MAP3K7CL: variants seen among roughly 807,000 people sequenced by gnomAD.
The protein encoded by MAP3K7CL is MAP3K7 C-terminal like.
A neutral mutation model predicts 18.6 loss-of-function variants in MAP3K7CL; 16 were observed. That is an observed-to-expected ratio of 0.86 (90% CI 0.58 to 1.31). MAP3K7CL has a LOEUF of 1.31. MAP3K7CL is among the 50% of genes most tolerant of loss of function. The pLI is 0.00. For synonymous variants in MAP3K7CL, 65 were observed against 66.8 expected, an observed-to-expected ratio of 0.97 and a Z score of 0.13; for missense variants, 163 against 174.4, an observed-to-expected ratio of 0.93 and a Z score of 0.37.
intron 1 of MAP3K7CL, chr21:29,091,365 T>C: frequency 1.8e-6 from 1 of 547,370 alleles, no homozygotes; most frequent in Admixed American, 3.6e-5. Context: ...AGAATGTTTT[T>C]AGCCAGTTGA....
At chr21:29,152,971 T>C (rs2087312365) in intron 3 of MAP3K7CL, among the ~76,000 whole-genome samples, 1 of 152,222 alleles carries the variant, frequency 6.6e-6, no homozygotes, top group South Asian at 2.1e-4. Flanking sequence ...TTACACATGC[T>C]TTGGTAGTTT....
At chr21:29,124,658 T>A (rs2086654359) in intron 4 of MAP3K7CL, among the ~76,000 whole-genome samples, 1 of 152,218 alleles carries the variant, frequency 6.6e-6, no homozygotes, top group Non-Finnish European at 1.5e-5. Context: ...TGTTTTGGTA[T>A]GACCCAGGAG....
chr21:29,099,089 C>CTT (rs2086174007), intron 4 of MAP3K7CL, among the ~76,000 whole-genome samples: 2 of 151,704 alleles, frequency 1.3e-5, no homozygotes, highest in South Asian at 4.2e-4. Context: ...TACTAGCTTT[C>CTT]TTTTCTTTTC....
intron 1 of MAP3K7CL, among the ~76,000 whole-genome samples, chr21:29,077,904 G>T (rs2085775466): frequency 6.6e-6 from 1 of 152,226 alleles, no homozygotes; most frequent in Admixed American, 6.5e-5. Flanking sequence ...GCCTCCAGGA[G>T]AGCTAAAAGC....
intron 1 of MAP3K7CL, among the ~76,000 whole-genome samples, chr21:29,078,064 G>A (rs763054993): frequency 6.6e-5 from 10 of 152,022 alleles, no homozygotes; most frequent in Non-Finnish European, 1.3e-4. Flanking sequence ...ATTGTTTAAT[G>A]TTTTTGGCTT....
intron 4 of MAP3K7CL, among the ~76,000 whole-genome samples, chr21:29,113,633 C>T (rs2086456714): frequency 6.6e-6 from 1 of 152,192 alleles, no homozygotes; most frequent in Non-Finnish European, 1.5e-5. Flanking sequence ...TCAAGCAATT[C>T]TCCTGCCTCA....
intron 4 of MAP3K7CL, among the ~76,000 whole-genome samples, chr21:29,101,129 TGGGTCAGCAATCTG>T (rs1238015968): frequency 4.0e-5 from 6 of 151,876 alleles, no homozygotes; most frequent in Non-Finnish European, 7.4e-5. Flanking sequence ...ACGATTTCTG[TGGGTCAGCAATCTG>T]GGTGTGGCTT....
At chr21:29,165,235 G>A in intron 4 of MAP3K7CL, among the ~76,000 whole-genome samples, 1 of 152,050 alleles carries the variant, frequency 6.6e-6, no homozygotes, top group South Asian at 2.1e-4. Context: ...ATATTGTATT[G>A]GGTACTTTGG....
At chr21:29,090,010 A>G (rs1026790911) in intron 1 of MAP3K7CL, among the ~76,000 whole-genome samples, 2 of 152,198 alleles carry the variant, frequency 1.3e-5, no homozygotes, top group African/African-American at 4.8e-5. Flanking sequence ...AATAATTTTG[A>G]TACTATTCGA....
intron 2 of MAP3K7CL, among the ~76,000 whole-genome samples, chr21:29,144,210 G>A (rs1264919758): frequency 1.3e-5 from 2 of 151,702 alleles, no homozygotes; most frequent in African/African-American, 2.4e-5. Context: ...TGCAAGCAGG[G>A]GCTTGATCTT....
At chr21:29,164,855 T>A (rs923229551) in intron 4 of MAP3K7CL, among the ~76,000 whole-genome samples, 4 of 152,358 alleles carry the variant, frequency 2.6e-5, no homozygotes. Flanking sequence ...CTATCATTTT[T>A]ATCTAATTCT....
chr21:29,113,051 TC>T (rs2086446962), intron 4 of MAP3K7CL, among the ~76,000 whole-genome samples: 3 of 152,182 alleles, frequency 2.0e-5, no homozygotes, highest in African/African-American at 4.8e-5. Flanking sequence ...CGCCTTGGCC[TC>T]CCAAAGTGCT....
chr21:29,115,366 T>C (rs1411484019), intron 4 of MAP3K7CL, among the ~76,000 whole-genome samples: 1 of 152,228 alleles, frequency 6.6e-6, no homozygotes, highest in African/African-American at 2.4e-5. Flanking sequence ...ACTGCAATTC[T>C]GCATCTATAA....
At position 29,100,007 on chromosome 21, in the gene MAP3K7CL, T is replaced by C. The variant is rs549734302; in HGVS notation, c.370+7426T>C. The stretch of plus-strand genomic sequence containing the variant: ...CTGAGGCAGGAGAATGGCGTGAACC[T>C]GGGAGGCGGAGCTTGCAGTGAGCCG... On this transcript the variant is annotated intron_variant, in intron 4 of 6. Coordinates refer to the MAP3K7CL transcript ENST00000286791. Among the ~76,000 whole-genome samples, 54 of 146,806 alleles carry C rather than the reference T, an allele frequency of 3.7e-4. 1 individual carries two copies. Among genetic ancestry groups the C allele is most frequent in the Non-Finnish European group, 5.0e-4 (34 of 67,388 alleles).
At chr21:29,159,404 T>C in intron 3 of MAP3K7CL, among the ~76,000 whole-genome samples, 1 of 152,102 alleles carries the variant, frequency 6.6e-6, no homozygotes, top group East Asian at 1.9e-4. Context: ...TTCTTACAGG[T>C]TGCTTAATCC....
At chr21:29,148,146 G>C (rs1017551452) in intron 2 of MAP3K7CL, among the ~76,000 whole-genome samples, 1 of 151,772 alleles carries the variant, frequency 6.6e-6, no homozygotes, top group Non-Finnish European at 1.5e-5. Context: ...TGTATGTACT[G>C]TATATGTATC....
intron 4 of MAP3K7CL, among the ~76,000 whole-genome samples, chr21:29,123,668 A>G (rs1568948390): frequency 6.6e-6 from 1 of 152,186 alleles, no homozygotes; most frequent in Non-Finnish European, 1.5e-5. Flanking sequence ...AATGGAGAAA[A>G]CAATTGAAAA....
chr21:29,112,711 A>G (rs999960467), intron 4 of MAP3K7CL, among the ~76,000 whole-genome samples: 8 of 152,144 alleles, frequency 5.3e-5, no homozygotes, highest in Admixed American at 2.0e-4. Context: ...CAAGATACCA[A>G]TTATTTCCCT....
intron 4 of MAP3K7CL, among the ~76,000 whole-genome samples, chr21:29,102,952 A>G (rs945153380): frequency 6.6e-6 from 1 of 152,190 alleles, no homozygotes; most frequent in Non-Finnish European, 1.5e-5. Context: ...AAGCCATCAC[A>G]GGACTGCTGC....
Sources: gnomAD v4.1 joint callset for allele counts (sites outside exome capture counted in the v4.1 genomes callset) on GRCh38, gnomAD v4.1.1 for gene constraint, MANE v1.5 for transcripts, NCBI Gene and HGNC (gene_info 2026-07-23, HGNC 2026-07-21) for gene names.